The following SAMD12 variants were observed in gnomAD, a reference collection of about 807,000 sequenced individuals.
SAMD12 encodes sterile alpha motif domain-containing protein 12.
SAMD12 carries 9 observed loss-of-function variants against 15.0 expected under a neutral mutation model. The ratio of observed to expected loss-of-function variants is 0.60; its 90% CI spans 0.36 to 1.05. SAMD12 has a LOEUF of 1.05. SAMD12 is among the 50% of genes least tolerant of loss of function. The probability of loss-of-function intolerance (pLI) is 0.01; values close to 1 mark genes in which losing one functional copy is unlikely to be tolerated. For missense variants in SAMD12, 230 were observed against 234.2 expected (o/e 0.98, Z 0.12); for synonymous variants, 86 against 90.1 (o/e 0.96, Z 0.25).
chr8:118,421,219 C>T (rs1484152280), intron 3 of SAMD12, among the ~76,000 whole-genome samples: 1 of 152,144 alleles, frequency 6.6e-6, no homozygotes, highest in South Asian at 2.1e-4. Flanking sequence ...ATAAATGGTG[C>T]TAAACACTGT....
intron 1 of SAMD12, among the ~76,000 whole-genome samples, chr8:118,610,828 T>C (rs1051256423): frequency 1.3e-5 from 2 of 152,156 alleles, no homozygotes; most frequent in Admixed American, 1.3e-4. Flanking sequence ...CATATACAAA[T>C]TATGCCTGCA....
chr8:118,235,539 A>C (rs375918983), intron 4 of SAMD12, among the ~76,000 whole-genome samples: 6 of 152,174 alleles, frequency 3.9e-5, no homozygotes, highest in Non-Finnish European at 1.5e-5. Flanking sequence ...CAAAGCTTAA[A>C]CATTTTGATA....
intron 4 of SAMD12, among the ~76,000 whole-genome samples, chr8:118,264,526 C>T (rs1813154946): frequency 6.6e-6 from 1 of 152,054 alleles, no homozygotes; most frequent in Non-Finnish European, 1.5e-5. Flanking sequence ...GGGAAAACCA[C>T]TAGAGGGAAA....
chr8:118,277,299 T>G (rs1813497658), intron 4 of SAMD12, among the ~76,000 whole-genome samples: 1 of 152,180 alleles, frequency 6.6e-6, no homozygotes, highest in Non-Finnish European at 1.5e-5. Context: ...GTTTGTTATC[T>G]CCGTGAAGTA....
intron 3 of SAMD12, among the ~76,000 whole-genome samples, chr8:118,427,761 A>C (rs1167766744): frequency 6.6e-6 from 1 of 152,232 alleles, no homozygotes; most frequent in Non-Finnish European, 1.5e-5. Context: ...ATTTTTAAGA[A>C]CATACGTTTC....
chr8:118,307,849 A>G (rs973496715), intron 4 of SAMD12, among the ~76,000 whole-genome samples: 1 of 152,062 alleles, frequency 6.6e-6, no homozygotes, highest in African/African-American at 2.4e-5. Context: ...GGTTCTGCCA[A>G]TGTGAAGTGC....
At chr8:118,294,373 G>A (rs1378489957) in intron 4 of SAMD12, among the ~76,000 whole-genome samples, 10 of 152,144 alleles carry the variant, frequency 6.6e-5, no homozygotes, top group African/African-American at 1.4e-4. Flanking sequence ...TTAGGCATGC[G>A]GCGTCATCAG....
At chr8:118,606,947 G>A (rs775363037) in intron 1 of SAMD12, among the ~76,000 whole-genome samples, 1 of 152,026 alleles carries the variant, frequency 6.6e-6, no homozygotes, top group Non-Finnish European at 1.5e-5. Context: ...AGGCTATAGG[G>A]TCAGAGTACC....
At chr8:118,369,383 C>T (rs1818963673) in intron 4 of SAMD12, among the ~76,000 whole-genome samples, 1 of 152,144 alleles carries the variant, frequency 6.6e-6, no homozygotes, top group South Asian at 2.1e-4. Flanking sequence ...GGACCTCTTC[C>T]TTACACTTTA....
At chr8:118,141,022 C>T in the SAMD12 span, among the ~76,000 whole-genome samples, 1 of 152,232 alleles carries the variant, frequency 6.6e-6, no homozygotes, top group Admixed American at 6.5e-5. Flanking sequence ...CTTAGACTAT[C>T]TTAACTAATA....
At chr8:118,186,833 G>C (rs972389948), downstream of SAMD12, among the ~76,000 whole-genome samples, 4 of 152,142 alleles carry the variant, frequency 2.6e-5, no homozygotes, top group African/African-American at 9.7e-5. Flanking sequence ...AGAGAGAAGA[G>C]TTAAAACGGA....
chr8:118,181,094 C>T, the SAMD12 span, among the ~76,000 whole-genome samples: 1 of 151,804 alleles, frequency 6.6e-6, no homozygotes, highest in African/African-American at 2.4e-5. Context: ...GCTATGTTGC[C>T]CAGGCTGGAC....
At chr8:118,462,808 T>C (rs1208285681) in intron 2 of SAMD12, among the ~76,000 whole-genome samples, 4 of 152,004 alleles carry the variant, frequency 2.6e-5, no homozygotes, top group Non-Finnish European at 1.5e-5. Context: ...CTATAAGAAA[T>C]AGATAAAAAG....
exon 5 of SAMD12, chr8:118,190,464 A>T (rs983135746): frequency 5.9e-5 from 9 of 151,984 alleles, no homozygotes; most frequent in Non-Finnish European, 1.3e-4. Flanking sequence ...ATAAATGGAC[A>T]CCTGGGCTGT....
chr8:118,357,579 G>A (rs999793252), intron 4 of SAMD12, among the ~76,000 whole-genome samples: 3 of 152,202 alleles, frequency 2.0e-5, no homozygotes, highest in Admixed American at 6.5e-5. Flanking sequence ...CCATTAGTAC[G>A]TGAGATGATG....
chr8:118,379,074 T>C lies in SAMD12; in HGVS notation c.*343A>G. ...AAAATGTTTTTCTCCCACTAACCGGTGAAAAGCAAAACAAAAATACAACAA... is the reference window on the plus strand; with the variant it reads ...AAAATGTTTTTCTCCCACTAACCGGCGAAAAGCAAAACAAAAATACAACAA... On this transcript the variant is annotated 3_prime_UTR_variant, in exon 4 of 4. Coordinates refer to ENST00000314727, the MANE Select transcript of SAMD12 (RefSeq NM_207506.3). 1 of 1,050,402 alleles carries C rather than the reference T, an allele frequency of 9.5e-7. No homozygotes were observed. Among genetic ancestry groups the C allele is most frequent in the Non-Finnish European group, 1.2e-6 (1 of 868,666 alleles). The allele number at this position is 1,050,402 out of a possible 1,614,324, so 65.1% of individuals were successfully genotyped here. A position where few individuals can be genotyped will look rare whatever the true frequency, so the allele number is the denominator to read the frequency against.
At chr8:118,287,551 A>G (rs193239210) in intron 4 of SAMD12, among the ~76,000 whole-genome samples, 8 of 152,312 alleles carry the variant, frequency 5.3e-5, no homozygotes, top group Admixed American at 2.0e-4. Flanking sequence ...TTAGAGAGAA[A>G]TTCTGAACAT....
At chr8:118,566,717 G>A (rs1052291593) in intron 2 of SAMD12, among the ~76,000 whole-genome samples, 1 of 152,268 alleles carries the variant, frequency 6.6e-6, no homozygotes. Flanking sequence ...CCAAACCAGA[G>A]AGACTGTTCA....
downstream of SAMD12, among the ~76,000 whole-genome samples, chr8:118,184,474 T>C (rs1227701427): frequency 7.0e-6 from 1 of 142,228 alleles, no homozygotes; most frequent in Non-Finnish European, 1.6e-5. Flanking sequence ...CAGAAGATCT[T>C]TCTGAATAAT....
Sources: allele counts gnomAD v4.1 joint callset (sites outside exome capture counted in the v4.1 genomes callset), GRCh38; gene constraint gnomAD v4.1.1; transcripts MANE v1.5; gene names NCBI Gene and HGNC (gene_info 2026-07-23, HGNC 2026-07-21).